RAPGEF4: variants seen among roughly 807,000 people sequenced by gnomAD.
RAPGEF4 encodes the protein Rap guanine nucleotide exchange factor 4, also known as RAP guanine-nucleotide-exchange factor (GEF) 4.
RAPGEF4 carries 66 observed loss-of-function variants against 147.9 expected under a neutral mutation model. That is an observed-to-expected ratio of 0.45 (90% CI 0.37 to 0.55). The LOEUF (loss-of-function observed/expected upper bound fraction) is 0.55, where lower values mean the gene tolerates loss of function less well. RAPGEF4 is among the 20% of genes least tolerant of loss of function. RAPGEF4 has a pLI of 0.00. For synonymous variants in RAPGEF4, 419 were observed against 442.7 expected, an observed-to-expected ratio of 0.95 and a Z score of 0.67; for missense variants, 1,071 against 1,257.3, an observed-to-expected ratio of 0.85 and a Z score of 2.24.
intron 15 of RAPGEF4, among the ~76,000 whole-genome samples, chr2:172,993,533 T>C (rs959800182): frequency 1.1e-4 from 16 of 152,164 alleles, no homozygotes; most frequent in African/African-American, 3.9e-4. Flanking sequence ...ATGTAACCAA[T>C]TGGAGTTTGC....
intron 5 of RAPGEF4, among the ~76,000 whole-genome samples, chr2:172,919,538 CG>C (rs966093147): frequency 1.3e-4 from 19 of 152,000 alleles, no homozygotes; most frequent in African/African-American, 3.1e-4. Flanking sequence ...CTTCTTCCCC[CG>C]CTTATGGAAG....
chr2:172,960,695 A>T (rs1232824062), intron 6 of RAPGEF4, 65 bp from the exon 7 acceptor site: 2 of 1,149,274 alleles, frequency 1.7e-6, no homozygotes, highest in Non-Finnish European at 2.5e-6. Context: ...TTATCCCCCA[A>T]CCCATAATTT....
At chr2:172,902,818 C>T (rs1699214394) in intron 4 of RAPGEF4, among the ~76,000 whole-genome samples, 1 of 152,132 alleles carries the variant, frequency 6.6e-6, no homozygotes, top group African/African-American at 2.4e-5. Flanking sequence ...AAGTAGGATC[C>T]ACTCAAATGA....
chr2:172,876,464 G>C (rs550084999), intron 4 of RAPGEF4, among the ~76,000 whole-genome samples: 1 of 152,298 alleles, frequency 6.6e-6, no homozygotes, highest in East Asian at 1.9e-4. Flanking sequence ...ATGAAGGGCT[G>C]TTGAATTTTC....
At chr2:172,804,367 A>G (rs529436338) in intron 3 of RAPGEF4, among the ~76,000 whole-genome samples, 1 of 152,274 alleles carries the variant, frequency 6.6e-6, no homozygotes, top group South Asian at 2.1e-4. Flanking sequence ...TTTTTTGAAT[A>G]CTGGGTTGAG....
intron 4 of RAPGEF4, among the ~76,000 whole-genome samples, chr2:172,908,990 G>A (rs1699863725): frequency 6.6e-6 from 1 of 152,150 alleles, no homozygotes; most frequent in Admixed American, 6.5e-5. Flanking sequence ...TAGAGGTCCT[G>A]GAGGGGTCCT....
rs1289019502 is a variant in RAPGEF4 at position 173,052,690 on chromosome 2, A to G, written c.*923A>G. The G allele has an allele frequency of 3.9e-5, 6 of 152,746 alleles. No homozygotes were observed. The highest frequency in any genetic ancestry group is 1.9e-4 in the East Asian group (1 of 5,196). 9.5% of individuals were successfully genotyped at this position (152,746 alleles called of 1,614,324 possible). On this transcript the variant is annotated 3_prime_UTR_variant, in exon 31 of 31. Transcript: ENST00000397081. ...AGATTGTAAATAGTTCATTCAATCA[A>G]TGGTATGGAGTTATTTATTTGCTAC...
intron 30 of RAPGEF4, among the ~76,000 whole-genome samples, chr2:173,050,682 T>C (rs1416256517): frequency 2.0e-5 from 3 of 151,868 alleles, no homozygotes; most frequent in African/African-American, 4.8e-5. Flanking sequence ...TTTTTCCCTT[T>C]TATTTTGAAA....
In RAPGEF4 at chr2:173,032,920, G is replaced by A. The variant is rs147867499; in HGVS notation, c.2650-994G>A. Among the ~76,000 whole-genome samples, 31 of 152,316 alleles carry A rather than the reference G, an allele frequency of 2.0e-4. No homozygotes were observed. The East Asian group carries it at 5.6e-3, about 27-fold the overall frequency. ...ACCCAGGAGTCTCTGAGACCCAGGG[G>A]TTGGTTGATGAGTTCCTAGTCCTGG... On this transcript the variant is annotated intron_variant, in intron 26 of 30. Transcript: ENST00000397081.
At chr2:172,975,059 G>T (rs1690921844) in intron 10 of RAPGEF4, among the ~76,000 whole-genome samples, 1 of 152,154 alleles carries the variant, frequency 6.6e-6, no homozygotes, top group Non-Finnish European at 1.5e-5. Flanking sequence ...AATACAGGAT[G>T]CCCGGTTAAA....
At chr2:173,043,506 G>T (rs918510840) in intron 29 of RAPGEF4, among the ~76,000 whole-genome samples, 1 of 152,228 alleles carries the variant, frequency 6.6e-6, no homozygotes, top group Non-Finnish European at 1.5e-5. Context: ...GGCCTGGAGG[G>T]CCTGCCGGTC....
intron 6 of RAPGEF4, among the ~76,000 whole-genome samples, chr2:172,942,184 G>A (rs189664706): frequency 2.0e-5 from 3 of 148,490 alleles, no homozygotes; most frequent in East Asian, 4.2e-4. Context: ...ATAGGTTGGT[G>A]CAAAAGTAAT....
chr2:172,735,791 C>A, upstream of RAPGEF4: 1 of 251,226 alleles, frequency 4.0e-6, no homozygotes, highest in Non-Finnish European at 7.1e-6. Context: ...TCCCGCCCCC[C>A]GGGTCCCCTC....
chr2:172,979,208 G>A (rs571339342), intron 10 of RAPGEF4, among the ~76,000 whole-genome samples: 9 of 152,236 alleles, frequency 5.9e-5, no homozygotes, highest in Middle Eastern at 3.4e-3. Flanking sequence ...GAGTTGTGCC[G>A]TGGATGCCTT....
intron 2 of RAPGEF4, among the ~76,000 whole-genome samples, chr2:172,796,527 G>A (rs1428760635): frequency 1.3e-5 from 2 of 152,128 alleles, no homozygotes; most frequent in Admixed American, 6.5e-5. Context: ...CGAGGTTGCA[G>A]TGAACCGAGA....
chr2:172,897,187 G>A (rs956887627), intron 4 of RAPGEF4, among the ~76,000 whole-genome samples: 1 of 152,012 alleles, frequency 6.6e-6, no homozygotes, highest in Non-Finnish European at 1.5e-5. Context: ...AATTCACATT[G>A]CATACAATTC....
intron 1 of RAPGEF4, among the ~76,000 whole-genome samples, chr2:172,784,505 G>A (rs1410936564): frequency 4.3e-5 from 6 of 140,648 alleles, no homozygotes; most frequent in East Asian, 4.2e-4. Flanking sequence ...GCAACAGAGC[G>A]AAACTCTTAA....
chr2:172,905,557 T>G (rs548847454), intron 4 of RAPGEF4, among the ~76,000 whole-genome samples: 3 of 152,296 alleles, frequency 2.0e-5, no homozygotes, highest in Admixed American at 1.3e-4. Flanking sequence ...GGAGAGAGCA[T>G]CTCTAACAGG....
At chr2:172,778,592 G>T (rs1357732243) in intron 1 of RAPGEF4, among the ~76,000 whole-genome samples, 1 of 151,930 alleles carries the variant, frequency 6.6e-6, no homozygotes, top group Non-Finnish European at 1.5e-5. Context: ...TTTCAATTTG[G>T]GCCTAGTTTA....
Sources: allele counts gnomAD v4.1 joint callset (sites outside exome capture counted in the v4.1 genomes callset), GRCh38; gene constraint gnomAD v4.1.1; transcripts MANE v1.5; gene names NCBI Gene and HGNC (gene_info 2026-07-23, HGNC 2026-07-21).